PPP2CB: variants seen among roughly 807,000 people sequenced by gnomAD.
The protein encoded by PPP2CB is serine/threonine-protein phosphatase 2A catalytic subunit beta isoform.
PPP2CB carries 18 observed loss-of-function variants against 39.1 expected under a neutral mutation model. The observed-to-expected ratio is 0.46, with a 90% CI of 0.32 to 0.68. The LOEUF (loss-of-function observed/expected upper bound fraction) is 0.68. Ranked by LOEUF, PPP2CB falls within the 30% of genes least tolerant of loss-of-function variation. The pLI, the probability that PPP2CB is intolerant of heterozygous loss-of-function variation, is 0.04. For missense variants in PPP2CB, 226 were observed against 396.9 expected, an observed-to-expected ratio of 0.57 and a Z score of 3.66; for synonymous variants, 129 against 133.8, an observed-to-expected ratio of 0.96 and a Z score of 0.25.
intron 1 of PPP2CB, among the ~76,000 whole-genome samples, chr8:30,810,704 C>T (rs1387397204): frequency 6.6e-6 from 1 of 152,166 alleles, no homozygotes; most frequent in African/African-American, 2.4e-5. Context: ...CAGTTTGTTT[C>T]AGAAAGAGAA....
intron 2 of PPP2CB, among the ~76,000 whole-genome samples, chr8:30,799,009 T>A (rs185313432): frequency 1.3e-5 from 2 of 152,234 alleles, no homozygotes; most frequent in African/African-American, 2.4e-5. Context: ...CAGGCAAAAA[T>A]TCAGACTAGA....
At chr8:30,805,597 A>G (rs552233296) in intron 1 of PPP2CB, among the ~76,000 whole-genome samples, 73 of 152,254 alleles carry the variant, frequency 4.8e-4, no homozygotes, top group Admixed American at 3.0e-3. Context: ...GAGCAAAATT[A>G]AACTACAGCC....
intron 2 of PPP2CB, among the ~76,000 whole-genome samples, chr8:30,798,257 T>C (rs1457365982): frequency 6.6e-6 from 1 of 152,208 alleles, no homozygotes; most frequent in Non-Finnish European, 1.5e-5. Context: ...CTGGGCAAGA[T>C]TTCAAATGTA....
At chr8:30,790,287 T>G (rs1299415939) in intron 6 of PPP2CB, among the ~76,000 whole-genome samples, 1 of 152,182 alleles carries the variant, frequency 6.6e-6, no homozygotes, top group African/African-American at 2.4e-5. Flanking sequence ...AGCCTTCTTG[T>G]CCCCCAGGGC....
intron 5 of PPP2CB, chr8:30,793,298 CGGA>C (rs1463986773): frequency 6.6e-6 from 1 of 152,158 alleles, no homozygotes; most frequent in African/African-American, 2.4e-5. Context: ...CAATGAAAAT[CGGA>C]GGATTTCCAC....
chr8:30,809,408 A>C (rs1236947066), intron 1 of PPP2CB, among the ~76,000 whole-genome samples: 2 of 152,132 alleles, frequency 1.3e-5, no homozygotes, highest in Non-Finnish European at 2.9e-5. Context: ...ACGGAACTAG[A>C]AACTAAGGTC....
intron 1 of PPP2CB, among the ~76,000 whole-genome samples, chr8:30,808,307 C>T (rs972928881): frequency 2.0e-5 from 3 of 152,036 alleles, no homozygotes; most frequent in South Asian, 2.1e-4. Context: ...CCATGTTGCC[C>T]GTGCTGGTCT....
At chr8:30,805,913 T>A (rs1264796962) in intron 1 of PPP2CB, among the ~76,000 whole-genome samples, 1 of 152,146 alleles carries the variant, frequency 6.6e-6, no homozygotes, top group Admixed American at 6.6e-5. Context: ...TTACAAGGAA[T>A]GATGATAAAT....
chr8:30,797,600 G>C lies in PPP2CB; in HGVS notation c.467C>G (p.Thr156Arg). 1 of 1,613,606 alleles carries C rather than the reference G, an allele frequency of 6.2e-7. No homozygotes were observed. Among genetic ancestry groups the C allele is most frequent in the Non-Finnish European group, 8.5e-7 (1 of 1,179,632 alleles). ...ACATACCTGTCCATCTACTAAAGCT[G>C]TAAGTGGAAGATAATCAAAGAGATC... ...FTDLFDYLPL[T>R]ALVDGQIFCL... Residue 156 changes from threonine (T) to arginine (R), a missense_variant, in exon 3 of 7, where the codon ACA becomes AGA. By Grantham distance (71) the Thr-to-Arg change is moderately conservative (BLOSUM62 -1). Coordinates refer to ENST00000221138, the MANE Select transcript of PPP2CB (RefSeq NM_001009552.2).
chr8:30,797,456 A>G (rs1352955496), intron 3 of PPP2CB, 125 bp downstream of exon 3: 4 of 932,626 alleles, frequency 4.3e-6, no homozygotes, highest in Admixed American at 2.9e-5. Flanking sequence ...AGTATAAGGG[A>G]AGGAGGAGGA....
chr8:30,809,534 G>GT (rs1156595146), intron 1 of PPP2CB, among the ~76,000 whole-genome samples: 1 of 152,108 alleles, frequency 6.6e-6, no homozygotes, highest in African/African-American at 2.4e-5. Context: ...AGAGAAATGA[G>GT]TATTATCACA....
intron 1 of PPP2CB, among the ~76,000 whole-genome samples, chr8:30,807,773 C>G (rs1291140606): frequency 1.3e-5 from 2 of 152,238 alleles, no homozygotes; most frequent in African/African-American, 4.8e-5. Flanking sequence ...TCTAAAATAA[C>G]TGCATACTGC....
At chr8:30,803,024 C>A (rs191541279) in intron 1 of PPP2CB, among the ~76,000 whole-genome samples, 1 of 152,276 alleles carries the variant, frequency 6.6e-6, no homozygotes, top group Admixed American at 6.5e-5. Flanking sequence ...AAACTTATTG[C>A]ATAAATGAGG....
intron 2 of PPP2CB, 99 bp from the exon 3 acceptor site, chr8:30,797,853 G>A: frequency 1.7e-6 from 2 of 1,157,174 alleles, no homozygotes; most frequent in South Asian, 3.1e-5. Flanking sequence ...CGGCGCTTTT[G>A]GCCACCAGTA....
At chr8:30,796,884 TGCCCAGGCTGAA>T (rs1217033251) in intron 3 of PPP2CB, among the ~76,000 whole-genome samples, 2 of 152,238 alleles carry the variant, frequency 1.3e-5, no homozygotes, top group African/African-American at 4.8e-5. Context: ...GTTTTGCTGT[TGCCCAGGCTGAA>T]GCCCAGGCTG....
At chr8:30,799,407 T>C (rs1806581419) in intron 2 of PPP2CB, 139 bp downstream of exon 2, 1 of 669,536 alleles carries the variant, frequency 1.5e-6, no homozygotes, top group Non-Finnish European at 2.5e-6. Flanking sequence ...ACCTCTCCTT[T>C]AAAAAGATGT....
intron 5 of PPP2CB, among the ~76,000 whole-genome samples, chr8:30,792,507 G>A (rs562764235): frequency 3.3e-5 from 5 of 152,042 alleles, no homozygotes; most frequent in African/African-American, 1.2e-4. Flanking sequence ...GCAGCGGTAC[G>A]ATCATAGCTC....
chr8:30,794,387 T>A lies in PPP2CB; in HGVS notation c.487-106A>T, dbSNP rs529075301. 4.2e-6 allele frequency: 4 copies of A among 945,182 alleles called. No homozygotes were observed. The African/African-American group carries it at 5.0e-5, about 12-fold the overall frequency. 58.5% of individuals were successfully genotyped at this position (945,182 alleles called of 1,614,324 possible). A position where few individuals can be genotyped will look rare whatever the true frequency, so the allele number is the denominator to read the frequency against. On this transcript the variant is annotated intron_variant, in intron 3 of 6. Transcript: ENST00000221138. Reference sequence around the variant, plus strand: ...TGTCAGTCCAAATAGTGCCAACATTTAAACATATTTTGTCCATCATTTTTT... The same window carrying A: ...TGTCAGTCCAAATAGTGCCAACATTAAAACATATTTTGTCCATCATTTTTT...
At chr8:30,792,874 A>C (rs1806461306) in intron 5 of PPP2CB, among the ~76,000 whole-genome samples, 1 of 151,994 alleles carries the variant, frequency 6.6e-6, no homozygotes, top group Non-Finnish European at 1.5e-5. Context: ...GATATAATTA[A>C]ATTTATTTTT....
Sources: gnomAD v4.1 joint callset for allele counts (sites outside exome capture counted in the v4.1 genomes callset) on GRCh38, gnomAD v4.1.1 for gene constraint, MANE v1.5 for transcripts, NCBI Gene and HGNC (gene_info 2026-07-23, HGNC 2026-07-21) for gene names.